Variants in CADPS2 observed in about 807,000 individuals in gnomAD.
The protein encoded by CADPS2 is calcium-dependent secretion activator 2.
Under a neutral mutation model 172.5 loss-of-function variants are expected in CADPS2, and 93 were observed. The ratio of observed to expected loss-of-function variants is 0.54; its 90% CI spans 0.46 to 0.64. The LOEUF is 0.64. Among genes scored for constraint, CADPS2 ranks in the 30% least tolerant of loss-of-function variants. The pLI is 0.00. For synonymous variants in CADPS2, 546 were observed against 555.2 expected, an observed-to-expected ratio of 0.98 and a Z score of 0.23; for missense variants, 1,420 against 1,565.9, an observed-to-expected ratio of 0.91 and a Z score of 1.57.
chr7:122,757,689 G>C (rs201160437), intron 1 of CADPS2, among the ~76,000 whole-genome samples: 1 of 151,580 alleles, frequency 6.6e-6, no homozygotes, highest in Admixed American at 6.6e-5. Context: ...CCCTAGCTGA[G>C]TTTTTTAAAA....
rs2046806227 is a variant in CADPS2, at chr7:122,407,578, G to C, written c.2708C>G (p.Pro903Arg). ...AQPQDSWDSF[P>R]LFQLLNNFLR... ...GAAATTATTAAGCAGTTGGAAAAGA[G>C]GAAAACTATCCCAGGAGTCTTGCGG... Residue 903 changes from proline (P) to arginine (R), a missense_variant, in exon 20 of 30, where the codon CCT becomes CGT. By Grantham distance (103) the Pro-to-Arg change is moderately radical. Transcript: ENST00000449022. 2.5e-6 allele frequency: 4 copies of C among 1,612,102 alleles called. No individual in the cohort carries two copies. The highest frequency in any genetic ancestry group is 3.4e-6 in the Non-Finnish European group (4 of 1,179,184).
chr7:122,631,137 A>G (rs1269776058), intron 3 of CADPS2, among the ~76,000 whole-genome samples: 2 of 152,184 alleles, frequency 1.3e-5, no homozygotes, highest in Admixed American at 6.6e-5. Flanking sequence ...AAACTGTAAC[A>G]ATACTTCAAA....
chr7:122,747,142 A>C (rs2092750512), intron 1 of CADPS2, among the ~76,000 whole-genome samples: 1 of 152,128 alleles, frequency 6.6e-6, no homozygotes, highest in Non-Finnish European at 1.5e-5. Flanking sequence ...CAGAGAGTTG[A>C]AGAGAAATAG....
At chr7:122,638,153 T>A (rs1434585745) in intron 3 of CADPS2, among the ~76,000 whole-genome samples, 1 of 152,188 alleles carries the variant, frequency 6.6e-6, no homozygotes, top group Non-Finnish European at 1.5e-5. Flanking sequence ...CCACATTTTC[T>A]TTCTTAGGTG....
intron 3 of CADPS2, among the ~76,000 whole-genome samples, chr7:122,654,181 T>C (rs182828072): frequency 2.6e-5 from 4 of 152,258 alleles, no homozygotes; most frequent in Admixed American, 6.5e-5. Context: ...AAAAAGGCAA[T>C]AAGCCATCTC....
intron 9 of CADPS2, among the ~76,000 whole-genome samples, chr7:122,494,965 G>A (rs1240784460): frequency 2.0e-5 from 3 of 151,796 alleles, no homozygotes; most frequent in African/African-American, 4.8e-5. Context: ...TGTTTTTGGG[G>A]GTAAGGGTTA....
At chr7:122,601,684 CA>C (rs761495557) in intron 6 of CADPS2, among the ~76,000 whole-genome samples, 2 of 151,264 alleles carry the variant, frequency 1.3e-5, no homozygotes, top group Admixed American at 6.6e-5. Flanking sequence ...CGTGTAAGTG[CA>C]AAAAAAACCC....
chr7:122,616,159 TC>T (rs1392651282), intron 5 of CADPS2, among the ~76,000 whole-genome samples: 1 of 152,132 alleles, frequency 6.6e-6, no homozygotes, highest in African/African-American at 2.4e-5. Context: ...CATGAACTCT[TC>T]TAAATTCTCA....
chr7:122,739,538 C>T (rs976384885), intron 1 of CADPS2, among the ~76,000 whole-genome samples: 3 of 152,082 alleles, frequency 2.0e-5, no homozygotes, highest in Non-Finnish European at 4.4e-5. Flanking sequence ...TTCTTGGAAG[C>T]TCCAACAAAG....
chr7:122,765,896 T>A (rs1378430830), intron 1 of CADPS2, among the ~76,000 whole-genome samples: 2 of 152,114 alleles, frequency 1.3e-5, no homozygotes, highest in Admixed American at 6.6e-5. Flanking sequence ...TGGGCTCAAT[T>A]CCTGTAGAGG....
At chr7:122,720,536 A>ATGTATG (rs960392095) in intron 2 of CADPS2, among the ~76,000 whole-genome samples, 1 of 151,444 alleles carries the variant, frequency 6.6e-6, no homozygotes, top group Non-Finnish European at 1.5e-5. Context: ...GTATGCAGAT[A>ATGTATG]TGTATGTGTA....
At chr7:122,753,221 A>G (rs2093022443) in intron 1 of CADPS2, among the ~76,000 whole-genome samples, 1 of 152,240 alleles carries the variant, frequency 6.6e-6, no homozygotes, top group African/African-American at 2.4e-5. Flanking sequence ...TAGGAAAAAG[A>G]GATGCATTTT....
intron 2 of CADPS2, among the ~76,000 whole-genome samples, chr7:122,717,264 A>C (rs1403257912): frequency 6.6e-6 from 1 of 152,162 alleles, no homozygotes; most frequent in Admixed American, 6.6e-5. Context: ...TTGGTCCCAC[A>C]AAGCAAGTAA....
At chr7:122,645,328 T>C (rs1248009787) in intron 3 of CADPS2, among the ~76,000 whole-genome samples, 2 of 109,224 alleles carry the variant, frequency 1.8e-5, no homozygotes, top group African/African-American at 2.9e-5. Context: ...TACATGTACA[T>C]ATATACACAC....
At chr7:122,398,738 T>TTCTC (rs375630670) in intron 20 of CADPS2, among the ~76,000 whole-genome samples, 33,700 of 130,890 alleles carry the variant, frequency 0.26, 4,632 homozygotes, top group East Asian at 0.38. Context: ...GAAAACACTC[T>TTCTC]TCTCTCTCTC....
At chr7:122,565,299 A>G (rs904144483) in intron 7 of CADPS2, among the ~76,000 whole-genome samples, 18 of 152,160 alleles carry the variant, frequency 1.2e-4, no homozygotes, top group Non-Finnish European at 1.0e-4. Context: ...CACTTAAGCA[A>G]TGGGAAAGGA....
At chr7:122,563,405 T>C (rs1157117811) in intron 7 of CADPS2, among the ~76,000 whole-genome samples, 1 of 152,158 alleles carries the variant, frequency 6.6e-6, no homozygotes, top group Non-Finnish European at 1.5e-5. Context: ...TTGGAATGCT[T>C]TGTGAAATTT....
intron 1 of CADPS2, among the ~76,000 whole-genome samples, chr7:122,827,706 G>A (rs935418038): frequency 5.9e-5 from 9 of 151,574 alleles, no homozygotes; most frequent in Non-Finnish European, 1.3e-4. Context: ...TAAAAGGTAG[G>A]AGAGAATACT....
intron 2 of CADPS2, among the ~76,000 whole-genome samples, chr7:122,723,082 A>G (rs1431850478): frequency 1.3e-5 from 2 of 152,164 alleles, no homozygotes; most frequent in Admixed American, 1.3e-4. Context: ...AAACCCTAGA[A>G]GAAAACCTAG....
Sources: allele counts gnomAD v4.1 joint callset (sites outside exome capture counted in the v4.1 genomes callset), GRCh38; gene constraint gnomAD v4.1.1; transcripts MANE v1.5; gene names NCBI Gene and HGNC (gene_info 2026-07-23, HGNC 2026-07-21).